The following RANBP2 variants were observed in gnomAD, a reference collection of about 807,000 sequenced individuals.
RANBP2 encodes E3 SUMO-protein ligase RanBP2.
Under a neutral mutation model 303.6 loss-of-function variants are expected in RANBP2, and 57 were observed. The observed-to-expected ratio is 0.19, with a 90% CI of 0.15 to 0.23. The LOEUF is 0.23. Ranked by LOEUF, RANBP2 falls within the 10% of genes least tolerant of loss-of-function variation. The probability of loss-of-function intolerance (pLI) is 1.00; values close to 1 mark genes in which losing one functional copy is unlikely to be tolerated. For missense variants in RANBP2, 3,138 were observed against 3,780.8 expected (o/e 0.83, Z 4.46); for synonymous variants, 1,167 against 1,301.5 (o/e 0.90, Z 2.23).
the RANBP2 span, among the ~76,000 whole-genome samples, chr2:108,987,588 G>T: frequency 0.95 from 144,038 of 152,270 alleles, 68,608 homozygotes; most frequent in East Asian, 1. Flanking sequence ...TTCAGGGAAA[G>T]TGTATTTACT....
chr2:109,500,330 G>A, the RANBP2 span, among the ~76,000 whole-genome samples: 2 of 152,144 alleles, frequency 1.3e-5, no homozygotes, highest in African/African-American at 4.8e-5. Flanking sequence ...GTTGCCAGGA[G>A]CACCTGCCAC....
chr2:108,787,013 T>G (rs896645575), downstream of RANBP2: 8 of 739,374 alleles, frequency 1.1e-5, no homozygotes, highest in South Asian at 5.0e-5. Context: ...GCAGCGGCTC[T>G]GGTCCCGGCC....
chr2:109,715,394 C>T, the RANBP2 span, among the ~76,000 whole-genome samples: 1 of 152,170 alleles, frequency 6.6e-6, no homozygotes, highest in African/African-American at 2.4e-5. Context: ...GCCTGGCCTC[C>T]TTTTCAGGTT....
chr2:109,023,136 C>T, the RANBP2 span, among the ~76,000 whole-genome samples: 3 of 152,222 alleles, frequency 2.0e-5, no homozygotes, highest in South Asian at 2.1e-4. Context: ...AATGCTTCTG[C>T]GCTCTTAAGC....
At chr2:108,738,139 C>A (rs1261814783) in intron 6 of RANBP2, among the ~76,000 whole-genome samples, 3 of 147,880 alleles carry the variant, frequency 2.0e-5, no homozygotes, top group Non-Finnish European at 3.0e-5. Context: ...GCGGTGGCGC[C>A]ATCTCGGCTC....
At chr2:109,321,698 A>G in the RANBP2 span, among the ~76,000 whole-genome samples, 1 of 152,190 alleles carries the variant, frequency 6.6e-6, no homozygotes, top group South Asian at 2.1e-4. Context: ...ATAAGTGTCA[A>G]CCCTGGCCCC....
chr2:109,655,626 C>G, the RANBP2 span, among the ~76,000 whole-genome samples: 2 of 131,556 alleles, frequency 1.5e-5, no homozygotes, highest in Admixed American at 7.0e-5. Context: ...CCTGAGAGAC[C>G]CCTGCATCTT....
the RANBP2 span, among the ~76,000 whole-genome samples, chr2:109,312,686 T>C: frequency 2.6e-5 from 4 of 152,226 alleles, no homozygotes; most frequent in Non-Finnish European, 5.9e-5. Flanking sequence ...TCCAGGATCA[T>C]AGAGTATATC....
the RANBP2 span, among the ~76,000 whole-genome samples, chr2:109,660,605 G>C: frequency 6.6e-6 from 1 of 152,238 alleles, no homozygotes; most frequent in South Asian, 2.1e-4. Flanking sequence ...CCCCATGCCA[G>C]GAGGCAGATG....
chr2:109,733,155 GT>G, the RANBP2 span: 1 of 478,126 alleles, frequency 2.1e-6, no homozygotes. Context: ...CCTTCTCTAG[GT>G]TTCGTAGCCC....
the RANBP2 span, among the ~76,000 whole-genome samples, chr2:109,019,552 G>T: frequency 6.6e-6 from 1 of 152,194 alleles, no homozygotes; most frequent in Admixed American, 6.5e-5. Flanking sequence ...GACACTGCCA[G>T]TGCCTCCTTC....
chr2:108,951,035 G>A, the RANBP2 span, among the ~76,000 whole-genome samples: 1 of 152,196 alleles, frequency 6.6e-6, no homozygotes, highest in African/African-American at 2.4e-5. Context: ...ATATTGAAGG[G>A]GCCACTTGTG....
the RANBP2 span, among the ~76,000 whole-genome samples, chr2:109,491,115 T>TG: frequency 3.3e-5 from 5 of 152,232 alleles, no homozygotes; most frequent in Non-Finnish European, 5.9e-5. Flanking sequence ...GAAACGAGTC[T>TG]GGGAACTGGA....
chr2:108,763,667 A>T lies in RANBP2; in HGVS notation c.3128A>T (p.Asp1043Val), dbSNP rs1022690079. Reference sequence around the variant, plus strand: ...TCAAATTTCAAATCAAATGATGGTGACTTCACGTTTTCCTCACCACAGGTT... The same window carrying T: ...TCAAATTTCAAATCAAATGATGGTGTCTTCACGTTTTCCTCACCACAGGTT... ...FNSNFKSNDGDFTFSSPQVVT... is the reference protein window; with the variant it reads ...FNSNFKSNDGVFTFSSPQVVT... Residue 1043 changes from aspartate (D) to valine (V), a missense_variant, in exon 20 of 29, where the codon GAC becomes GTC. Transcript: ENST00000283195. The T allele has an allele frequency of 1.9e-6, 3 of 1,614,006 alleles. No individual in the cohort carries two copies. The African/African-American group carries it at 4.0e-5, about 22-fold the overall frequency.
the RANBP2 span, among the ~76,000 whole-genome samples, chr2:109,417,849 G>C: frequency 2.0e-5 from 3 of 152,192 alleles, no homozygotes; most frequent in African/African-American, 7.2e-5. Context: ...CAGGTAGGTG[G>C]CCGGCGGCAT....
the RANBP2 span, among the ~76,000 whole-genome samples, chr2:109,321,035 G>A: frequency 1.3e-5 from 2 of 152,162 alleles, no homozygotes; most frequent in Admixed American, 1.3e-4. Context: ...CTCAAAAATG[G>A]CTGCTCTTAC....
chr2:109,489,607 T>C, the RANBP2 span, among the ~76,000 whole-genome samples: 7 of 152,140 alleles, frequency 4.6e-5, no homozygotes, highest in African/African-American at 1.4e-4. Flanking sequence ...TTGTCGGGGA[T>C]GGCCCGTCAG....
the RANBP2 span, among the ~76,000 whole-genome samples, chr2:109,736,471 CA>C: frequency 3.3e-5 from 5 of 152,182 alleles, no homozygotes; most frequent in African/African-American, 1.2e-4. Context: ...TGTAGAAACA[CA>C]TTACTTACAC....
intron 17 of RANBP2, among the ~76,000 whole-genome samples, chr2:108,758,205 G>A (rs1676464060): frequency 6.6e-6 from 1 of 151,610 alleles, no homozygotes; most frequent in South Asian, 2.1e-4. Flanking sequence ...GCTGAAGTGG[G>A]AGAATTGCTT....
Sources: gnomAD v4.1 joint callset for allele counts (sites outside exome capture counted in the v4.1 genomes callset) on GRCh38, gnomAD v4.1.1 for gene constraint, MANE v1.5 for transcripts, NCBI Gene and HGNC (gene_info 2026-07-23, HGNC 2026-07-21) for gene names.